The following MMP20 variants were observed in gnomAD, a reference collection of about 807,000 sequenced individuals.
MMP20 encodes matrix metalloproteinase-20.
MMP20 carries 50 observed loss-of-function variants against 51.8 expected under a neutral mutation model. The ratio of observed to expected loss-of-function variants is 0.97; its 90% confidence interval spans 0.77 to 1.22. MMP20 has a LOEUF of 1.22. Among genes scored for constraint, MMP20 ranks in the 50% most tolerant of loss-of-function variants. The probability of loss-of-function intolerance (pLI) is 0.00; values close to 1 mark genes in which losing one functional copy is unlikely to be tolerated. For synonymous variants in MMP20, 244 were observed against 216.2 expected, an observed-to-expected ratio of 1.13 and a Z score of -1.13; for missense variants, 663 against 601.4, an observed-to-expected ratio of 1.10 and a Z score of -1.07.
rs377191656 is a variant in MMP20 at position 102,609,031 on chromosome 11, G to A, written c.717C>T (p.Asp239=). The change falls in exon 5 of 10, where the codon GAC becomes GAT. Residue 239 remains aspartate (D), a synonymous_variant. Transcript: ENST00000260228. ...AAGTTGGGTACATCAGTGCTGATGG[G>A]TCTGTGGAATGGGCCAGGCCCAGGG... ...GHALGLAHST[D]PSALMYPTYK... is the part of the protein sequence containing the mutation. 1.9e-6 allele frequency: 3 copies of A among 1,613,844 alleles called. No individual in the cohort carries two copies. The African/African-American group carries it at 4.0e-5, about 22-fold the overall frequency.
chr11:102,578,323 G>T (rs12792880), intron 9 of MMP20, among the ~76,000 whole-genome samples: 5 of 151,686 alleles, frequency 3.3e-5, no homozygotes. Flanking sequence ...TTTTTGTAGA[G>T]ACAGAGTTTT....
chr11:102,590,027 T>A (rs755207631), intron 8 of MMP20, among the ~76,000 whole-genome samples: 4 of 152,068 alleles, frequency 2.6e-5, no homozygotes, highest in Admixed American at 6.6e-5. Flanking sequence ...GGCAATATGA[T>A]TGAAAAGGGG....
At position 102,577,334 on chromosome 11, in the gene MMP20, C is replaced by A. The variant is rs763738325; in HGVS notation, c.1444G>T (p.Gly482Cys). ...VSVVKSSSWI[G>C]C ...AGACTAGGCTTTTCTATTTAGCAAC[C>A]AATCCAGGAACTAGATTTCACCACA... Residue 482 changes from glycine to cysteine, a missense_variant, in exon 10 of 10, where the codon GGT becomes TGT. Coordinates refer to ENST00000260228, the MANE Select transcript of MMP20 (RefSeq NM_004771.4). The A allele has an allele frequency of 4.3e-6, 7 of 1,610,716 alleles. No individual in the cohort carries two copies. Among genetic ancestry groups the A allele is most frequent in the Non-Finnish European group, 5.1e-6 (6 of 1,176,962 alleles).
chr11:102,595,695 T>C (rs1482209661), intron 6 of MMP20, among the ~76,000 whole-genome samples: 2 of 152,224 alleles, frequency 1.3e-5, no homozygotes, highest in African/African-American at 2.4e-5. Flanking sequence ...CACATATTGA[T>C]TTAAGGCTTA....
chr11:102,610,932 A>T (rs1444771702), intron 3 of MMP20, among the ~76,000 whole-genome samples: 1 of 152,084 alleles, frequency 6.6e-6, no homozygotes, highest in Non-Finnish European at 1.5e-5. Context: ...ATCAAGAGAG[A>T]GCCAGACATT....
chr11:102,587,136 T>A (rs61893837), intron 8 of MMP20, among the ~76,000 whole-genome samples: 1 of 152,102 alleles, frequency 6.6e-6, no homozygotes, highest in Non-Finnish European at 1.5e-5. Flanking sequence ...TCATAAGTTC[T>A]GGTATGTTGT....
chr11:102,597,017 T>G (rs1784400), intron 6 of MMP20, among the ~76,000 whole-genome samples: 78,143 of 152,018 alleles, frequency 0.51, 20,636 homozygotes, highest in South Asian at 0.67. Flanking sequence ...CTGAAATGTT[T>G]TCTCTTATAA....
Position 102,625,174 on chromosome 11 carries a change from T to C in MMP20, c.126+20A>G. On this transcript the variant is annotated intron_variant, in intron 1 of 9. Transcript: ENST00000260228. ...TCTAGGGCAGAGGAGCAAGAAGGAA[T>C]TGGGCAAAAATTCACAAACCTGTGC... The C allele has an allele frequency of 6.2e-7, 1 of 1,613,290 alleles. No homozygotes were observed. The highest frequency in any genetic ancestry group is 8.5e-7 in the Non-Finnish European group (1 of 1,179,624).
intron 1 of MMP20, among the ~76,000 whole-genome samples, chr11:102,621,750 T>C (rs1423539436): frequency 2.0e-5 from 3 of 152,190 alleles, no homozygotes; most frequent in Non-Finnish European, 2.9e-5. Flanking sequence ...CTGTTTAAAG[T>C]GATGTTATGA....
intron 6 of MMP20, among the ~76,000 whole-genome samples, chr11:102,603,389 C>G (rs1264618677): frequency 6.6e-6 from 1 of 152,164 alleles, no homozygotes; most frequent in Non-Finnish European, 1.5e-5. Flanking sequence ...GGGATTCCAG[C>G]TCTGGACAGC....
intron 8 of MMP20, among the ~76,000 whole-genome samples, chr11:102,585,458 T>G (rs377383907): frequency 4.6e-5 from 7 of 152,228 alleles, no homozygotes; most frequent in African/African-American, 1.7e-4. Context: ...ATTCATTCCT[T>G]GCAACCTTTC....
chr11:102,592,741 G>A (rs980868444), intron 8 of MMP20, among the ~76,000 whole-genome samples: 1 of 152,172 alleles, frequency 6.6e-6, no homozygotes, highest in African/African-American at 2.4e-5. Flanking sequence ...GGGAACAGAG[G>A]AAAGCTGTGC....
intron 8 of MMP20, among the ~76,000 whole-genome samples, chr11:102,586,076 T>C (rs1859251482): frequency 6.6e-6 from 1 of 152,298 alleles, no homozygotes; most frequent in South Asian, 2.1e-4. Context: ...TTGTCATGTT[T>C]CTGTGTGGTT....
chr11:102,594,506 G>C (rs1212438872), intron 7 of MMP20, 115 bp downstream of exon 7: 1 of 1,368,914 alleles, frequency 7.3e-7, no homozygotes, highest in Non-Finnish European at 1.0e-6. Context: ...TGAGGACAAA[G>C]AGCAACTGAA....
At chr11:102,607,936 A>G (rs1645134174) in intron 5 of MMP20, 1 of 152,010 alleles carries the variant, frequency 6.6e-6, no homozygotes, top group Non-Finnish European at 1.5e-5. Flanking sequence ...GGTCAGGCAG[A>G]TCTGGTGCTT....
chr11:102,624,957 A>G (rs760522443), intron 1 of MMP20, among the ~76,000 whole-genome samples: 5 of 152,196 alleles, frequency 3.3e-5, no homozygotes, highest in Non-Finnish European at 7.3e-5. Context: ...TTCTTTATGA[A>G]GCAAGATAGC....
chr11:102,616,049 G>T (rs1199819325), intron 2 of MMP20, among the ~76,000 whole-genome samples: 5 of 152,188 alleles, frequency 3.3e-5, no homozygotes, highest in African/African-American at 1.2e-4. Context: ...GAGCACAGCA[G>T]GGAGGGACAG....
intron 8 of MMP20, among the ~76,000 whole-genome samples, chr11:102,582,558 A>G (rs1859209346): frequency 6.6e-6 from 1 of 152,200 alleles, no homozygotes; most frequent in Non-Finnish European, 1.5e-5. Flanking sequence ...AGAGAAGGGC[A>G]GGTAGGACAG....
intron 8 of MMP20, among the ~76,000 whole-genome samples, chr11:102,592,057 G>T (rs535184626): frequency 2.6e-5 from 4 of 152,254 alleles, no homozygotes; most frequent in African/African-American, 7.2e-5. Context: ...TCCAACAGAC[G>T]TGCTTACACA....
Sources: allele counts gnomAD v4.1 joint callset (sites outside exome capture counted in the v4.1 genomes callset), GRCh38; gene constraint gnomAD v4.1.1; transcripts MANE v1.5; gene names NCBI Gene and HGNC (gene_info 2026-07-23, HGNC 2026-07-21).